Variants in KDM1A observed in about 807,000 individuals in gnomAD.
KDM1A encodes the protein lysine demethylase 1A, also known as lysine-specific histone demethylase 1A.
Under a neutral mutation model 109.4 loss-of-function variants are expected in KDM1A, and 49 were observed. The ratio of observed to expected loss-of-function variants is 0.45; its 90% confidence interval spans 0.36 to 0.57. The LOEUF (loss-of-function observed/expected upper bound fraction) is 0.57. Among genes scored for constraint, KDM1A ranks in the 20% least tolerant of loss-of-function variants. The probability of loss-of-function intolerance (pLI) is 0.00; values close to 1 mark genes in which losing one functional copy is unlikely to be tolerated. For synonymous variants in KDM1A, 380 were observed against 415.4 expected, an observed-to-expected ratio of 0.91 and a Z score of 1.04; for missense variants, 668 against 1,116.6, an observed-to-expected ratio of 0.60 and a Z score of 5.73.
At chr1:23,027,598 A>AT (rs1362736327) in intron 1 of KDM1A, among the ~76,000 whole-genome samples, 100 of 135,144 alleles carry the variant, frequency 7.4e-4, no homozygotes, top group East Asian at 2.3e-4. Context: ...AAGTTGTTTT[A>AT]TTTTTTTGTA....
intron 3 of KDM1A, among the ~76,000 whole-genome samples, chr1:23,044,846 G>A (rs1230824734): frequency 2.6e-5 from 4 of 152,146 alleles, no homozygotes; most frequent in African/African-American, 9.7e-5. Context: ...AAAGTCACAG[G>A]CTCAAAAGTC....
At chr1:23,036,024 A>G (rs1642132630) in intron 2 of KDM1A, among the ~76,000 whole-genome samples, 1 of 152,108 alleles carries the variant, frequency 6.6e-6, no homozygotes, top group Non-Finnish European at 1.5e-5. Flanking sequence ...GTGGTTGCCA[A>G]GCACTGAGTT....
intron 8 of KDM1A, chr1:23,057,774 A>G (rs898157529): frequency 3.0e-6 from 1 of 332,152 alleles, no homozygotes; most frequent in Non-Finnish European, 5.6e-6. Context: ...TCATATGAAG[A>G]TAAGTAGATA....
chr1:23,078,913 G>A (rs1643541329), intron 16 of KDM1A, 77 bp from the exon 17 acceptor site: 1 of 1,228,618 alleles, frequency 8.1e-7, no homozygotes, highest in South Asian at 1.4e-5. Context: ...ATGTCCATCT[G>A]TTGTACACTA....
At position 23,072,190 on chromosome 1, in the gene KDM1A, C is replaced by A; in HGVS notation, c.1615C>A (p.Pro539Thr). ...AAAACTTCAGGAGTTGGAAGCGAAT[C>A]CCCCAAGGTAAGGAAAACAAACACA... ...EEKLQELEAN[P>T]PSDVYLSSRD... Residue 539 changes from proline (P) to threonine (T), a missense_variant, in exon 14 of 21, where the codon CCC (proline) becomes ACC (threonine). By Grantham distance (38) the Pro-to-Thr change is conservative. This residue lies in a region of KDM1A where 162 missense variants were observed against 376.4 expected (regional missense o/e 0.43). Transcript: ENST00000400181. 6.2e-7 allele frequency: 1 copy of A among 1,608,424 alleles called. No homozygotes were observed. Among genetic ancestry groups the A allele is most frequent in the Non-Finnish European group, 8.5e-7 (1 of 1,176,292 alleles).
At chr1:23,049,600 G>A (rs1043574005) in intron 3 of KDM1A, among the ~76,000 whole-genome samples, 7 of 151,216 alleles carry the variant, frequency 4.6e-5, no homozygotes, top group South Asian at 2.1e-4. Flanking sequence ...CAGGAGAATC[G>A]CTTGAACCCA....
chr1:23,032,739 C>T (rs1642026072), intron 2 of KDM1A, among the ~76,000 whole-genome samples: 1 of 152,066 alleles, frequency 6.6e-6, no homozygotes, highest in South Asian at 2.1e-4. Context: ...ATAGATTGGA[C>T]CCTGATGGTG....
In KDM1A at chr1:23,042,444, T is replaced by A. The variant is rs71217201; in HGVS notation, c.518-1983T>A. On this transcript the variant is annotated intron_variant, in intron 2 of 20. Transcript: ENST00000400181. ...TAAAAATCTATGAAATATATTATTT[T>A]TTTTTTTTTTTTTTTTTTTTTTTTT... Among the ~76,000 whole-genome samples the A allele has an allele frequency of 9.2e-4, 81 of 88,210 alleles. 2 individuals are homozygous for A. The South Asian group carries it at 0.013, about 14-fold the overall frequency. 57.9% of individuals were successfully genotyped at this position (88,210 alleles called of 152,430 possible).
At chr1:23,066,464 TC>T (rs1048592792) in intron 10 of KDM1A, among the ~76,000 whole-genome samples, 21 of 152,196 alleles carry the variant, frequency 1.4e-4, no homozygotes, top group African/African-American at 4.6e-4. Context: ...AGTATGAACT[TC>T]CCTTTGTGAT....
At position 23,053,785 on chromosome 1, in the gene KDM1A, A is replaced by T; in HGVS notation, c.736A>T (p.Lys246Ter). The change falls in exon 5 of 21, where the codon AAG becomes TAG. Residue 246 changes from lysine to a stop codon, truncating the protein, a stop_gained. Transcript: ENST00000400181. LOFTEE classifies it high-confidence loss of function. ...RTLQLWLDNP[K>*]IQLTFEATLQ... ...GCTGCAGTTGTGGTTGGATAATCCAAAGATTCAGCTGACATTTGAGGCTAC... is the reference window on the plus strand; with the variant it reads ...GCTGCAGTTGTGGTTGGATAATCCATAGATTCAGCTGACATTTGAGGCTAC... The T allele has an allele frequency of 1.9e-6, 3 of 1,610,798 alleles. No homozygotes were observed. The highest frequency in any genetic ancestry group is 2.5e-6 in the Non-Finnish European group (3 of 1,177,162).
intron 1 of KDM1A, 135 bp downstream of exon 1, chr1:23,020,082 A>T: frequency 1.0e-6 from 1 of 961,430 alleles, no homozygotes; most frequent in Non-Finnish European, 1.4e-6. Context: ...TGCGCACGCC[A>T]CGTCCCCTCT....
At chr1:23,034,084 T>G (rs761905455) in intron 2 of KDM1A, among the ~76,000 whole-genome samples, 1 of 152,214 alleles carries the variant, frequency 6.6e-6, no homozygotes, top group Non-Finnish European at 1.5e-5. Flanking sequence ...TTTAGATTTA[T>G]CAATTTTTGA....
At chr1:23,053,899 C>G (rs914455779) in intron 5 of KDM1A, 60 bp downstream of exon 5, 2 of 884,276 alleles carry the variant, frequency 2.3e-6, no homozygotes, top group Non-Finnish European at 3.8e-6. Context: ...ATACGTTCTT[C>G]TAGGAGCCTC....
rs770124793 is a variant in KDM1A at position 23,077,372 on chromosome 1, C to G, written c.1867+12C>G. The G allele has an allele frequency of 2.0e-5, 32 of 1,607,426 alleles. No individual in the cohort carries two copies. The South Asian group carries it at 2.4e-4, about 12-fold the overall frequency. ...CTACACGGCTTCAGGTATGTCACTGCTTTACAAAAGGTAAGAGAGAACTCT... is the reference window on the plus strand; with the variant it reads ...CTACACGGCTTCAGGTATGTCACTGGTTTACAAAAGGTAAGAGAGAACTCT... On this transcript the variant is annotated intron_variant, in intron 16 of 20. Transcript: ENST00000400181.
intron 2 of KDM1A, among the ~76,000 whole-genome samples, chr1:23,033,771 AG>A (rs1642060901): frequency 6.6e-6 from 1 of 152,176 alleles, no homozygotes; most frequent in African/African-American, 2.4e-5. Flanking sequence ...TATTGTGAAT[AG>A]CCTTGGTTGA....
At chr1:23,082,430 A>ATTT (rs376287633) in intron 20 of KDM1A, 64 bp downstream of exon 20, 195 of 1,082,266 alleles carry the variant, frequency 1.8e-4, no homozygotes, top group South Asian at 3.6e-4. Context: ...GATGTCCCTG[A>ATTT]TTTTTTTTTT....
At chr1:23,045,512 C>T (rs1474298136) in intron 3 of KDM1A, among the ~76,000 whole-genome samples, 1 of 152,190 alleles carries the variant, frequency 6.6e-6, no homozygotes, top group Non-Finnish European at 1.5e-5. Context: ...CAGAATTAAA[C>T]CCTGTTCAGA....
At chr1:23,076,348 T>A (rs1403601401) in intron 15 of KDM1A, among the ~76,000 whole-genome samples, 1 of 152,168 alleles carries the variant, frequency 6.6e-6, no homozygotes, top group Non-Finnish European at 1.5e-5. Flanking sequence ...CCTGACTTTT[T>A]TTTTACTGTA....
chr1:23,019,670 C>G lies in KDM1A; in HGVS notation c.74C>G (p.Pro25Arg). ...AAAATGTEAG[P>R]GTAGGSENGS... ...GCAGCAACCGGGACGGAGGCTGGCC[C>G]TGGGACAGCAGGCGGCTCCGAGAAC... is the stretch of plus-strand genomic sequence containing the variant. Residue 25 changes from proline (P) to arginine (R), a missense_variant, in exon 1 of 21, where the codon CCT becomes CGT. Coordinates refer to ENST00000400181, the MANE Select transcript of KDM1A (RefSeq NM_001009999.3). 7.3e-7 allele frequency: 1 copy of G among 1,378,352 alleles called. No homozygotes were observed. Among genetic ancestry groups the G allele is most frequent in the Non-Finnish European group, 9.3e-7 (1 of 1,073,782 alleles). The allele number at this position is 1,378,352 out of a possible 1,614,324, so 85.4% of individuals were successfully genotyped here.
Sources: allele counts gnomAD v4.1 joint callset (sites outside exome capture counted in the v4.1 genomes callset), GRCh38; gene constraint gnomAD v4.1.1; regional missense constraint gnomAD v4.1.1; transcripts MANE v1.5; gene names NCBI Gene and HGNC (gene_info 2026-07-23, HGNC 2026-07-21).